AIG1: variants seen among roughly 807,000 people sequenced by gnomAD.
AIG1 encodes the protein androgen-induced gene 1 protein.
AIG1 carries 23 observed loss-of-function variants against 31.4 expected under a neutral mutation model. That is an observed-to-expected ratio of 0.73 (90% confidence interval 0.53 to 1.04). The LOEUF is 1.04. AIG1 is among the 50% of genes least tolerant of loss of function. The pLI, the probability that AIG1 is intolerant of heterozygous loss-of-function variation, is 0.00. For missense variants in AIG1, 274 were observed against 295.0 expected (o/e 0.93, Z 0.52); for synonymous variants, 100 against 110.5 (o/e 0.90, Z 0.60).
intron 3 of AIG1, among the ~76,000 whole-genome samples, chr6:143,214,421 A>G (rs1040811100): frequency 6.6e-6 from 1 of 152,236 alleles, no homozygotes; most frequent in African/African-American, 2.4e-5. Flanking sequence ...ATGAGGATTA[A>G]ATGAAATCTA....
At chr6:143,197,137 G>A (rs1790303005) in intron 3 of AIG1, among the ~76,000 whole-genome samples, 1 of 150,838 alleles carries the variant, frequency 6.6e-6, no homozygotes, top group South Asian at 2.1e-4. Context: ...TGACTCTTGA[G>A]AATCCCTTGA....
rs1338832295 is a variant in AIG1 at position 143,339,680 on chromosome 6, C to A, written c.*4C>A. The A allele has an allele frequency of 6.2e-7, 1 of 1,613,012 alleles. No individual in the cohort carries two copies. The highest frequency in any genetic ancestry group is 8.5e-7 in the Non-Finnish European group (1 of 1,179,522). On this transcript the variant is annotated 3_prime_UTR_variant, in exon 6 of 6. Coordinates refer to ENST00000357847, the MANE Select transcript of AIG1 (RefSeq NM_016108.4). ...AGAAAAGCCTAAATTGGAATGAGATCCAAGTCTAAACGCAAGAGCTAGATT... is the reference window on the plus strand; with the variant it reads ...AGAAAAGCCTAAATTGGAATGAGATACAAGTCTAAACGCAAGAGCTAGATT...
intron 3 of AIG1, among the ~76,000 whole-genome samples, chr6:143,183,225 C>T (rs1314829976): frequency 7.2e-6 from 1 of 138,102 alleles, no homozygotes; most frequent in Non-Finnish European, 1.5e-5. Flanking sequence ...GAGACGGAGT[C>T]TCGCTCTGTC....
intron 3 of AIG1, chr6:143,186,639 C>T (rs1789285071): frequency 6.6e-6 from 1 of 152,216 alleles, no homozygotes; most frequent in South Asian, 2.1e-4. Flanking sequence ...ACTAATATGT[C>T]TTTTTTGCTC....
At position 143,274,060 on chromosome 6, in the gene AIG1, T is replaced by G. The variant is rs542885003; in HGVS notation, c.400-10050T>G. On this transcript the variant is annotated intron_variant, in intron 3 of 5. Coordinates refer to ENST00000357847, the MANE Select transcript of AIG1 (RefSeq NM_016108.4). ...TACCTGTGGGATTTACCCTCTGACATGGGCATAAAGACTGACCTGTTGTCC... is the reference window on the plus strand; with the variant it reads ...TACCTGTGGGATTTACCCTCTGACAGGGGCATAAAGACTGACCTGTTGTCC... Among the ~76,000 whole-genome samples, 36 of 152,298 alleles carry G rather than the reference T, an allele frequency of 2.4e-4. 1 individual carries two copies. The highest frequency in any genetic ancestry group is 8.2e-4 in the African/African-American group (34 of 41,570).
chr6:143,085,608 A>C (rs1206529212), intron 1 of AIG1, among the ~76,000 whole-genome samples: 1 of 152,180 alleles, frequency 6.6e-6, no homozygotes, highest in Non-Finnish European at 1.5e-5. Context: ...ATGCAAATTC[A>C]TTTCAGAGAG....
intron 1 of AIG1, among the ~76,000 whole-genome samples, chr6:143,071,648 T>C (rs979525007): frequency 6.6e-6 from 1 of 151,220 alleles, no homozygotes; most frequent in African/African-American, 2.4e-5. Context: ...TGTATAGTGA[T>C]ATCTCATCGT....
At chr6:143,302,470 C>G (rs981033145) in intron 4 of AIG1, among the ~76,000 whole-genome samples, 1 of 151,204 alleles carries the variant, frequency 6.6e-6, no homozygotes, top group African/African-American at 2.4e-5. Context: ...TGAGAATATG[C>G]GGTGTTTGGT....
At chr6:143,069,659 G>T (rs1777072261) in intron 1 of AIG1, among the ~76,000 whole-genome samples, 1 of 152,046 alleles carries the variant, frequency 6.6e-6, no homozygotes, top group African/African-American at 2.4e-5. Flanking sequence ...ATACTGGGTT[G>T]TTTTATTATT....
chr6:143,248,995 A>AG (rs1401718330), intron 3 of AIG1, among the ~76,000 whole-genome samples: 4 of 152,222 alleles, frequency 2.6e-5, no homozygotes, highest in African/African-American at 4.8e-5. Context: ...CCCCACTTAT[A>AG]TTTAATTTTG....
At chr6:143,117,619 G>A (rs1201119003) in intron 1 of AIG1, among the ~76,000 whole-genome samples, 3 of 152,136 alleles carry the variant, frequency 2.0e-5, no homozygotes, top group Non-Finnish European at 4.4e-5. Context: ...AAATGCAGAA[G>A]TCTGGCTAAC....
chr6:143,188,648 T>C (rs1184854147), intron 3 of AIG1: 2 of 984,512 alleles, frequency 2.0e-6, no homozygotes, highest in African/African-American at 1.7e-5. Context: ...CTACACTTCT[T>C]TTAACAAATA....
chr6:143,121,659 A>T (rs1422204151), intron 1 of AIG1, among the ~76,000 whole-genome samples: 1 of 152,224 alleles, frequency 6.6e-6, no homozygotes, highest in South Asian at 2.1e-4. Flanking sequence ...AGAAGGGTCC[A>T]GTTGTGCATG....
intron 4 of AIG1, among the ~76,000 whole-genome samples, chr6:143,305,143 G>A (rs1799165664): frequency 1.3e-5 from 2 of 152,200 alleles, no homozygotes; most frequent in Admixed American, 1.3e-4. Flanking sequence ...CTTGCTAGCA[G>A]TCTATCAATT....
At chr6:143,075,830 A>G (rs908873219) in intron 1 of AIG1, among the ~76,000 whole-genome samples, 3 of 152,176 alleles carry the variant, frequency 2.0e-5, no homozygotes, top group Non-Finnish European at 2.9e-5. Context: ...ATATTTTTAA[A>G]AATTTCCTTT....
chr6:143,294,216 A>G (rs1269117487), intron 4 of AIG1, among the ~76,000 whole-genome samples: 2 of 152,156 alleles, frequency 1.3e-5, no homozygotes, highest in Non-Finnish European at 2.9e-5. Flanking sequence ...GATCCTTTCA[A>G]TCAGCATCTG....
intron 1 of AIG1, among the ~76,000 whole-genome samples, chr6:143,102,000 A>G (rs1198085395): frequency 1.3e-5 from 2 of 152,198 alleles, no homozygotes; most frequent in African/African-American, 4.8e-5. Flanking sequence ...ATGTGTTAGC[A>G]AAGTTTGGGA....
chr6:143,286,687 T>A (rs1394611380), intron 4 of AIG1, among the ~76,000 whole-genome samples: 3 of 152,144 alleles, frequency 2.0e-5, no homozygotes, highest in Non-Finnish European at 4.4e-5. Flanking sequence ...CATGCCAAGA[T>A]GAAAGAAAGC....
intron 1 of AIG1, among the ~76,000 whole-genome samples, chr6:143,123,099 C>T (rs1782380336): frequency 6.6e-6 from 1 of 152,158 alleles, no homozygotes; most frequent in Non-Finnish European, 1.5e-5. Context: ...TGGCATCCTT[C>T]CTTATGGGGC....
Sources: gnomAD v4.1 joint callset for allele counts (sites outside exome capture counted in the v4.1 genomes callset) on GRCh38, gnomAD v4.1.1 for gene constraint, MANE v1.5 for transcripts, NCBI Gene and HGNC (gene_info 2026-07-23, HGNC 2026-07-21) for gene names.